SGIP1: variants seen among roughly 807,000 people sequenced by gnomAD.
SGIP1 encodes SH3-containing GRB2-like protein 3-interacting protein 1.
In SGIP1, 38 loss-of-function variants were observed where a neutral mutation model predicts 107.5. The ratio of observed to expected loss-of-function variants is 0.35; its 90% CI spans 0.27 to 0.46. SGIP1 has a LOEUF of 0.46. Among genes scored for constraint, SGIP1 ranks in the 20% least tolerant of loss-of-function variants. The probability of loss-of-function intolerance (pLI) is 1.00; values close to 1 mark genes in which losing one functional copy is unlikely to be tolerated. For synonymous variants in SGIP1, 365 were observed against 366.1 expected (o/e 1.00, Z 0.03); for missense variants, 929 against 1,019.5 (o/e 0.91, Z 1.21).
chr1:66,679,612 T>A, intron 13 of SGIP1, 66 bp from the exon 14 acceptor site: 1 of 1,503,628 alleles, frequency 6.7e-7, no homozygotes, highest in Non-Finnish European at 9.0e-7. Flanking sequence ...TCCTGCTTAT[T>A]TAAAGTGTAT....
chr1:66,726,942 G>T (rs577744289), intron 19 of SGIP1, among the ~76,000 whole-genome samples: 1 of 152,322 alleles, frequency 6.6e-6, no homozygotes, highest in South Asian at 2.1e-4. Flanking sequence ...CTGCACTCCA[G>T]TCTGGGTGAC....
rs1490773112 is a variant in SGIP1, at chr1:66,682,058, C to A, written c.1004C>A (p.Ser335Tyr). ...TTGACTCCAAGGGAAAAAGTGGTGTCCCCACCAGCTACACCAGACAACCCA... is the reference window on the plus strand; with the variant it reads ...TTGACTCCAAGGGAAAAAGTGGTGTACCCACCAGCTACACCAGACAACCCA... ...PELTPREKVV[S>Y]PPATPDNPAD... Residue 335 changes from serine to tyrosine, a missense_variant, in exon 15 of 25, where the codon TCC (serine) becomes TAC (tyrosine). By Grantham distance (144) the Ser-to-Tyr change is moderately radical (BLOSUM62 -2). Transcript: ENST00000371037. 10 of 1,614,160 alleles carry A rather than the reference C, an allele frequency of 6.2e-6. No individual in the cohort carries two copies. The highest frequency in any genetic ancestry group is 8.5e-6 in the Non-Finnish European group (10 of 1,180,008).
chr1:66,687,425 G>A (rs1468786433), intron 15 of SGIP1, among the ~76,000 whole-genome samples: 2 of 152,108 alleles, frequency 1.3e-5, no homozygotes, highest in African/African-American at 2.4e-5. Context: ...AAACTTTGTA[G>A]TGGGGCCTGT....
chr1:66,658,792 A>G (rs1210586254), intron 7 of SGIP1, among the ~76,000 whole-genome samples: 5 of 152,232 alleles, frequency 3.3e-5, no homozygotes. Flanking sequence ...GGCCTTCAAT[A>G]TTTGTTTATT....
At chr1:66,698,889 A>G (rs151049093) in intron 18 of SGIP1, among the ~76,000 whole-genome samples, 192 of 151,650 alleles carry the variant, frequency 1.3e-3, no homozygotes, top group Middle Eastern at 3.4e-3. Flanking sequence ...TAACTACAAA[A>G]TCATCTCGTA....
At chr1:66,651,658 A>T (rs2078778468) in intron 7 of SGIP1, among the ~76,000 whole-genome samples, 1 of 152,162 alleles carries the variant, frequency 6.6e-6, no homozygotes, top group Non-Finnish European at 1.5e-5. Flanking sequence ...ATCCACATCC[A>T]CCCATAGAAG....
At chr1:66,669,718 G>A (rs568156370) in intron 9 of SGIP1, among the ~76,000 whole-genome samples, 1 of 152,222 alleles carries the variant, frequency 6.6e-6, no homozygotes, top group African/African-American at 2.4e-5. Flanking sequence ...ACTTAGTAGG[G>A]AAAAACAGAT....
intron 17 of SGIP1, chr1:66,694,556 C>G: frequency 7.0e-7 from 1 of 1,435,546 alleles, no homozygotes; most frequent in South Asian, 1.4e-5. Context: ...AAAATCCAAG[C>G]CATTATCCAT....
chr1:66,618,664 T>C (rs2070084573), intron 1 of SGIP1, among the ~76,000 whole-genome samples: 1 of 152,168 alleles, frequency 6.6e-6, no homozygotes, highest in African/African-American at 2.4e-5. Context: ...CCTTCTGAGG[T>C]TGTTGAAAGA....
intron 19 of SGIP1, among the ~76,000 whole-genome samples, chr1:66,719,832 C>T (rs1314065701): frequency 6.6e-6 from 1 of 152,102 alleles, no homozygotes; most frequent in Non-Finnish European, 1.5e-5. Context: ...CAACGGTTCA[C>T]TGGGATGAGA....
chr1:66,720,027 T>C (rs975793858), intron 19 of SGIP1, among the ~76,000 whole-genome samples: 5 of 152,240 alleles, frequency 3.3e-5, no homozygotes, highest in African/African-American at 1.2e-4. Flanking sequence ...ATTTCACTTA[T>C]ACATGTACAT....
rs143166795 is a variant in SGIP1 at position 66,577,694 on chromosome 1, A to G, written c.10+43326A>G. Among the ~76,000 whole-genome samples the G allele has an allele frequency of 2.2e-3, 330 of 152,076 alleles. 1 individual carries two copies. The highest frequency in any genetic ancestry group is 0.014 in the Middle Eastern group (4 of 294). On this transcript the variant is annotated intron_variant, in intron 1 of 24. Transcript: ENST00000371037. ...GGCTTTGAACATAGGAAGTGCTCAA[A>G]TGGTTAATAATTGGAATAGATACAC...
intron 24 of SGIP1, among the ~76,000 whole-genome samples, chr1:66,742,493 G>T (rs2094484747): frequency 5.4e-5 from 1 of 18,450 alleles, no homozygotes. Flanking sequence ...TTTTTGAGAC[G>T]GAGTCTCACT....
chr1:66,553,247 G>A (rs2057698327), intron 1 of SGIP1, among the ~76,000 whole-genome samples: 1 of 152,068 alleles, frequency 6.6e-6, no homozygotes, highest in Non-Finnish European at 1.5e-5. Context: ...GGGGAACAGA[G>A]ACAGTAAAGA....
intron 1 of SGIP1, among the ~76,000 whole-genome samples, chr1:66,559,202 G>A (rs1030128520): frequency 2.0e-5 from 3 of 152,050 alleles, no homozygotes; most frequent in African/African-American, 7.2e-5. Flanking sequence ...AGAAGGTCAG[G>A]GGTGGGGTTT....
intron 7 of SGIP1, among the ~76,000 whole-genome samples, chr1:66,656,988 C>T (rs530846051): frequency 6.6e-6 from 1 of 151,588 alleles, no homozygotes; most frequent in Admixed American, 6.6e-5. Flanking sequence ...AGCAACATAG[C>T]GAGACCCCGT....
intron 1 of SGIP1, among the ~76,000 whole-genome samples, chr1:66,595,527 C>T (rs751166596): frequency 9.2e-5 from 14 of 152,132 alleles, no homozygotes; most frequent in Non-Finnish European, 1.5e-4. Context: ...ACTTTCAAAC[C>T]TTCCACAACC....
chr1:66,636,757 G>A (rs756612775), intron 4 of SGIP1, among the ~76,000 whole-genome samples: 26 of 152,052 alleles, frequency 1.7e-4, no homozygotes, highest in Admixed American at 7.2e-4. Context: ...CCTTTAACAC[G>A]CCCCACCCAA....
chr1:66,668,316 G>A (rs573630734), intron 9 of SGIP1, among the ~76,000 whole-genome samples: 31 of 152,012 alleles, frequency 2.0e-4, no homozygotes, highest in East Asian at 1.2e-3. Context: ...TCAGCCTCCC[G>A]AGTAGCTAGG....
Sources: gnomAD v4.1 joint callset for allele counts (sites outside exome capture counted in the v4.1 genomes callset) on GRCh38, gnomAD v4.1.1 for gene constraint, MANE v1.5 for transcripts, NCBI Gene and HGNC (gene_info 2026-07-23, HGNC 2026-07-21) for gene names.